Variants in ENOX1 observed in about 807,000 individuals in gnomAD.
The protein encoded by ENOX1 is ecto-NOX disulfide-thiol exchanger 1.
In ENOX1, 42 loss-of-function variants were observed where a neutral mutation model predicts 82.5. The observed-to-expected ratio is 0.51, with a 90% CI of 0.40 to 0.66. ENOX1 has a LOEUF of 0.66. ENOX1 is among the 30% of genes least tolerant of loss of function. ENOX1 has a pLI of 0.00. For synonymous variants in ENOX1, 271 were observed against 282.2 expected (o/e 0.96, Z 0.40); for missense variants, 608 against 811.6 (o/e 0.75, Z 3.05).
chr13:43,541,612 A>G (rs2078732285), intron 2 of ENOX1, among the ~76,000 whole-genome samples: 1 of 152,200 alleles, frequency 6.6e-6, no homozygotes, highest in African/African-American at 2.4e-5. Flanking sequence ...CCAGGTTGAC[A>G]CTGTCTCTAA....
intron 2 of ENOX1, among the ~76,000 whole-genome samples, chr13:43,586,354 C>T (rs996356368): frequency 4.6e-5 from 7 of 152,244 alleles, no homozygotes; most frequent in African/African-American, 9.6e-5. Flanking sequence ...GTAATGTCTG[C>T]TTCCTGGTCA....
chr13:43,510,724 G>C (rs934109241), intron 2 of ENOX1, among the ~76,000 whole-genome samples: 4 of 152,102 alleles, frequency 2.6e-5, no homozygotes, highest in Non-Finnish European at 5.9e-5. Flanking sequence ...CTCTATGACT[G>C]ACTGACTAGC....
At chr13:43,632,765 T>C (rs1187632105) in intron 2 of ENOX1, among the ~76,000 whole-genome samples, 3 of 152,164 alleles carry the variant, frequency 2.0e-5, no homozygotes, top group East Asian at 3.8e-4. Flanking sequence ...ATAATTTTAA[T>C]TGTTTTATTA....
chr13:43,460,711 G>A lies in ENOX1; in HGVS notation c.-75+23298C>T, dbSNP rs185479633. 2.5e-3 allele frequency among the ~76,000 whole-genome samples: 367 copies of A among 149,466 alleles called. 12 individuals are homozygous for A. The East Asian group carries it at 0.061, about 25-fold the overall frequency. ...CGGGAGGCTGAGGCAGGAGAATGGC[G>A]TGAACCCGGGAAGCGGAGCTTGCAG... On this transcript the variant is annotated intron_variant, in intron 3 of 16. Coordinates refer to ENST00000690772, the MANE Select transcript of ENOX1 (RefSeq NM_001347969.2).
At chr13:43,493,337 G>A (rs1039539418) in intron 2 of ENOX1, among the ~76,000 whole-genome samples, 16 of 152,190 alleles carry the variant, frequency 1.1e-4, no homozygotes, top group African/African-American at 3.9e-4. Flanking sequence ...GAGAACAAGA[G>A]AAGCTGATAG....
chr13:43,242,992 C>T (rs1383568764), intron 14 of ENOX1, among the ~76,000 whole-genome samples: 1 of 152,008 alleles, frequency 6.6e-6, no homozygotes, highest in African/African-American at 2.4e-5. Context: ...AAAAATTAGC[C>T]GAGCGTGGTA....
intron 2 of ENOX1, among the ~76,000 whole-genome samples, chr13:43,664,019 A>G (rs906763110): frequency 1.3e-5 from 2 of 152,198 alleles, no homozygotes; most frequent in Non-Finnish European, 2.9e-5. Context: ...TAAGATTCCT[A>G]TTTTAACTGA....
chr13:43,737,013 T>C (rs534389251), intron 1 of ENOX1, among the ~76,000 whole-genome samples: 1 of 152,324 alleles, frequency 6.6e-6, no homozygotes, highest in South Asian at 2.1e-4. Flanking sequence ...TACCCTGCCA[T>C]AGATGATTTC....
chr13:43,580,136 A>G (rs753968511), intron 2 of ENOX1, among the ~76,000 whole-genome samples: 3 of 152,230 alleles, frequency 2.0e-5, no homozygotes, highest in Non-Finnish European at 4.4e-5. Flanking sequence ...CATCATCAGA[A>G]CATTATCTGG....
At chr13:43,469,467 C>T (rs537541024) in intron 3 of ENOX1, among the ~76,000 whole-genome samples, 24 of 151,596 alleles carry the variant, frequency 1.6e-4, no homozygotes, top group African/African-American at 5.3e-4. Context: ...GGTAATATTA[C>T]AATTGTAGTT....
chr13:43,240,125 GAATT>G (rs1387080542), intron 14 of ENOX1, among the ~76,000 whole-genome samples: 12 of 152,132 alleles, frequency 7.9e-5, no homozygotes, highest in East Asian at 3.9e-4. Context: ...AGAGAATGTG[GAATT>G]AATTAATTCC....
rs79805302 is a variant in ENOX1, at chr13:43,215,846, A to C, written c.1801-1725T>G. On this transcript the variant is annotated intron_variant, in intron 16 of 16. Coordinates refer to ENST00000690772, the MANE Select transcript of ENOX1 (RefSeq NM_001347969.2). ...GCTGGTCTTGGGTGTAGCCCACATA[A>C]TCTATTTTTAACAACCATCCCAGAT... Among the ~76,000 whole-genome samples, 521 of 152,286 alleles carry C rather than the reference A, an allele frequency of 3.4e-3. 3 individuals carry two copies. The highest frequency in any genetic ancestry group is 0.012 in the African/African-American group (495 of 41,550).
intron 1 of ENOX1, among the ~76,000 whole-genome samples, chr13:43,690,181 C>A (rs1441613125): frequency 6.6e-6 from 1 of 150,740 alleles, no homozygotes; most frequent in African/African-American, 2.4e-5. Flanking sequence ...TTCAGGACAA[C>A]CATGGGAGTT....
At position 43,411,906 on chromosome 13, in the gene ENOX1, G is replaced by A. The variant is rs766435923; in HGVS notation, c.208+10C>T. The A allele has an allele frequency of 9.3e-6, 15 of 1,614,088 alleles. No homozygotes were observed. The highest frequency in any genetic ancestry group is 1.7e-4 in the Middle Eastern group (1 of 6,058). On this transcript the variant is annotated intron_variant, in intron 5 of 16. Transcript: ENST00000690772. ...GCTGCAAGCATCTCTGAAACCAGGA[G>A]AAAGCTTACCAGACACGAGCTGCTG...
At chr13:43,316,214 C>A (rs533069715) in intron 11 of ENOX1, among the ~76,000 whole-genome samples, 46 of 152,280 alleles carry the variant, frequency 3.0e-4, no homozygotes, top group African/African-American at 1.1e-3. Flanking sequence ...GGAGACCCCA[C>A]CCAGGTCTAA....
chr13:43,314,349 GTACT>G (rs1357318080), intron 11 of ENOX1, among the ~76,000 whole-genome samples: 1 of 152,150 alleles, frequency 6.6e-6, no homozygotes, highest in Non-Finnish European at 1.5e-5. Flanking sequence ...AGGGAAGGAA[GTACT>G]TACTTTTTAA....
chr13:43,616,187 T>G (rs867868383), intron 2 of ENOX1, among the ~76,000 whole-genome samples: 56 of 11,254 alleles, frequency 5.0e-3, no homozygotes, highest in African/African-American at 6.5e-3. Flanking sequence ...TCTATCTATC[T>G]ATATATATAT....
At chr13:43,411,239 T>C (rs1031095556) in intron 5 of ENOX1, among the ~76,000 whole-genome samples, 3 of 152,240 alleles carry the variant, frequency 2.0e-5, no homozygotes, top group African/African-American at 7.2e-5. Flanking sequence ...AAGACACTTA[T>C]ATACATATAT....
chr13:43,567,488 C>T (rs2079971588), intron 2 of ENOX1, among the ~76,000 whole-genome samples: 1 of 151,614 alleles, frequency 6.6e-6, no homozygotes, highest in African/African-American at 2.4e-5. Context: ...AACTGTTTAC[C>T]AAGAGGAACT....
Sources: allele counts gnomAD v4.1 joint callset (sites outside exome capture counted in the v4.1 genomes callset), GRCh38; gene constraint gnomAD v4.1.1; transcripts MANE v1.5; gene names NCBI Gene and HGNC (gene_info 2026-07-23, HGNC 2026-07-21).